MYO9A: variants seen among roughly 807,000 people sequenced by gnomAD.
MYO9A encodes myosin IXA, also known as unconventional myosin-IXa.
MYO9A carries 103 observed loss-of-function variants against 293.3 expected under a neutral mutation model. That is an observed-to-expected ratio of 0.35 (90% confidence interval 0.30 to 0.41). MYO9A has a LOEUF of 0.41. Ranked by LOEUF, MYO9A falls within the 10% of genes least tolerant of loss-of-function variation. MYO9A has a pLI of 1.00. For missense variants in MYO9A, 2,685 were observed against 3,033.0 expected (o/e 0.89, Z 2.69); for synonymous variants, 1,001 against 1,035.7 (o/e 0.97, Z 0.64).
chr15:72,050,644 AAAAT>A (rs1596470916), intron 1 of MYO9A, among the ~76,000 whole-genome samples: 4 of 151,074 alleles, frequency 2.6e-5, no homozygotes, highest in Admixed American at 6.6e-5. Flanking sequence ...ACAAACAAAC[AAAAT>A]TTTTTTTTAA....
intron 1 of MYO9A, among the ~76,000 whole-genome samples, chr15:72,082,326 C>T (rs1239994057): frequency 2.0e-5 from 3 of 152,052 alleles, no homozygotes; most frequent in Non-Finnish European, 4.4e-5. Flanking sequence ...TGGTTCTTGG[C>T]TTCTTGACTG....
intron 7 of MYO9A, 82 bp downstream of exon 7, chr15:72,010,268 A>T: frequency 2.6e-6 from 3 of 1,158,590 alleles, no homozygotes; most frequent in Non-Finnish European, 3.8e-6. Flanking sequence ...AAAACTATTT[A>T]AAAAGGTCAA....
chr15:71,846,943 A>G (rs1176554448), intron 39 of MYO9A, among the ~76,000 whole-genome samples: 1 of 152,234 alleles, frequency 6.6e-6, no homozygotes, highest in African/African-American at 2.4e-5. Flanking sequence ...ATATTTCTAC[A>G]TCTGGGAGGA....
chr15:71,857,097 T>C (rs2055893797), intron 34 of MYO9A, among the ~76,000 whole-genome samples: 1 of 152,200 alleles, frequency 6.6e-6, no homozygotes, highest in Admixed American at 6.5e-5. Flanking sequence ...TAAATCCCTA[T>C]GGCATTAGAA....
At chr15:72,049,237 T>C (rs1182880933) in intron 1 of MYO9A, among the ~76,000 whole-genome samples, 1 of 152,230 alleles carries the variant, frequency 6.6e-6, no homozygotes, top group African/African-American at 2.4e-5. Context: ...TTAAAAATTT[T>C]GGTATTAAAT....
In MYO9A at chr15:71,826,483, T is replaced by G; in HGVS notation, c.*97A>C. ...GCTTAGAAAAGAGGCAGGACCACAATTAGGATTGACTATTGTGGACGAGGT... is the reference window on the plus strand; with the variant it reads ...GCTTAGAAAAGAGGCAGGACCACAAGTAGGATTGACTATTGTGGACGAGGT... On this transcript the variant is annotated 3_prime_UTR_variant, in exon 42 of 42. Coordinates refer to ENST00000356056, the MANE Select transcript of MYO9A (RefSeq NM_006901.4). 8.3e-7 allele frequency: 1 copy of G among 1,209,898 alleles called. No individual in the cohort carries two copies. Among genetic ancestry groups the G allele is most frequent in the Non-Finnish European group, 1.2e-6 (1 of 863,596 alleles). The allele number at this position is 1,209,898 out of a possible 1,614,324, so 74.9% of individuals were successfully genotyped here. A position where few individuals can be genotyped will look rare whatever the true frequency, so the allele number is the denominator to read the frequency against.
chr15:71,959,863 A>T, intron 14 of MYO9A, 38 bp downstream of exon 14: 1 of 1,506,488 alleles, frequency 6.6e-7, no homozygotes, highest in Non-Finnish European at 8.9e-7. Flanking sequence ...AAAAAAAAAA[A>T]GATGAAGTAT....
intron 11 of MYO9A, among the ~76,000 whole-genome samples, chr15:71,982,464 A>G (rs2076299893): frequency 6.6e-6 from 1 of 152,230 alleles, no homozygotes; most frequent in Admixed American, 6.5e-5. Context: ...TCCAGGATAT[A>G]AACAAATTTT....
chr15:72,030,670 C>T (rs537275081), intron 3 of MYO9A, among the ~76,000 whole-genome samples: 41 of 152,102 alleles, frequency 2.7e-4, no homozygotes, highest in African/African-American at 9.9e-4. Flanking sequence ...TCCACAGGCA[C>T]GTGCCACCAC....
chr15:72,085,376 A>T (rs1428093461), intron 1 of MYO9A, among the ~76,000 whole-genome samples: 2 of 150,794 alleles, frequency 1.3e-5, no homozygotes, highest in Non-Finnish European at 2.9e-5. Context: ...CTGGCGACAG[A>T]GTGAGAGAGT....
intron 34 of MYO9A, among the ~76,000 whole-genome samples, chr15:71,856,633 G>A (rs1289767686): frequency 6.6e-6 from 1 of 152,192 alleles, no homozygotes; most frequent in Non-Finnish European, 1.5e-5. Flanking sequence ...AGTTTTAGCA[G>A]TATTATCAGT....
chr15:71,934,871 A>C (rs1269904491), intron 17 of MYO9A, among the ~76,000 whole-genome samples: 9 of 145,168 alleles, frequency 6.2e-5, no homozygotes, highest in African/African-American at 2.3e-4. Flanking sequence ...TCTTCAAACC[A>C]ACTCTGTAAT....
chr15:72,046,368 C>A lies in MYO9A; in HGVS notation c.196G>T (p.Val66Leu). ...DKTKCYVLAE[V>L]KEFGGEEWIL... is the part of the protein sequence containing the mutation. ...CATTCTTCTCCACCAAATTCCTTTA[C>A]CTCTGCTAGAACATAACATTTTGTT... is the stretch of plus-strand genomic sequence containing the variant. The change falls in exon 2 of 42, where the codon GTA becomes TTA. Residue 66 changes from valine to leucine, a missense_variant. Val to Leu is a conservative substitution (Grantham distance 32). Transcript: ENST00000356056. 6.2e-7 allele frequency: 1 copy of A among 1,613,996 alleles called. No individual in the cohort carries two copies. Among genetic ancestry groups the A allele is most frequent in the Non-Finnish European group, 8.5e-7 (1 of 1,179,874 alleles).
At chr15:72,103,432 C>A (rs1278555994) in intron 1 of MYO9A, among the ~76,000 whole-genome samples, 4 of 145,568 alleles carry the variant, frequency 2.7e-5, no homozygotes, top group Non-Finnish European at 4.5e-5. Context: ...GAAGCAGCAG[C>A]AGCAGAAGCA....
At chr15:72,116,184 G>A (rs1044040549) in intron 1 of MYO9A, among the ~76,000 whole-genome samples, 6 of 152,102 alleles carry the variant, frequency 3.9e-5, no homozygotes, top group Non-Finnish European at 5.9e-5. Flanking sequence ...GAGTGAAGGC[G>A]GAACAGAAAT....
chr15:72,010,498 A>C, intron 6 of MYO9A, 51 bp from the exon 7 acceptor site: 1 of 1,467,946 alleles, frequency 6.8e-7, no homozygotes, highest in Non-Finnish European at 9.4e-7. Flanking sequence ...ATTTTAAAAT[A>C]ATGTGGGCCA....
At chr15:71,897,367 C>G in intron 25 of MYO9A, 94 bp downstream of exon 25, 1 of 1,321,784 alleles carries the variant, frequency 7.6e-7, no homozygotes, top group Non-Finnish European at 1.0e-6. Context: ...AGTTGAGCAG[C>G]CACTTTACAC....
chr15:72,006,081 T>C (rs962802480), intron 8 of MYO9A, among the ~76,000 whole-genome samples: 1 of 152,058 alleles, frequency 6.6e-6, no homozygotes, highest in Non-Finnish European at 1.5e-5. Context: ...TGAATGAATC[T>C]TTTTTTTGTT....
At chr15:71,892,793 G>T (rs2057215974) in intron 26 of MYO9A, 1 of 272,034 alleles carries the variant, frequency 3.7e-6, no homozygotes, top group Non-Finnish European at 6.6e-6. Context: ...TTTTTAAAGT[G>T]CCCTTTATTT....
Sources: gnomAD v4.1 joint callset for allele counts (sites outside exome capture counted in the v4.1 genomes callset) on GRCh38, gnomAD v4.1.1 for gene constraint, MANE v1.5 for transcripts, NCBI Gene and HGNC (gene_info 2026-07-23, HGNC 2026-07-21) for gene names.